Variants in APBA1 observed in about 807,000 individuals in gnomAD.
APBA1 encodes amyloid-beta A4 precursor protein-binding family A member 1.
Under a neutral mutation model 86.6 loss-of-function variants are expected in APBA1, and 55 were observed. The ratio of observed to expected loss-of-function variants is 0.64; its 90% CI spans 0.51 to 0.80. The LOEUF is 0.80. Ranked by LOEUF, APBA1 falls within the 30% of genes least tolerant of loss-of-function variation. APBA1 has a pLI of 0.00. For missense variants in APBA1, 1,090 were observed against 1,183.0 expected (o/e 0.92, Z 1.15); for synonymous variants, 511 against 493.9 (o/e 1.03, Z -0.46).
At position 69,432,694 on chromosome 9, in the gene APBA1, A is replaced by G. The variant is rs2133780124; in HGVS notation, c.2302-18T>C. On this transcript the variant is annotated intron_variant, in intron 11 of 12. Coordinates refer to ENST00000265381, the MANE Select transcript of APBA1 (RefSeq NM_001163.4). ...CTGCAGATCTGCCAGAGTCAAAGGC[A>G]GAGTTACCCTCATTGCAGACAGTGC... is the stretch of plus-strand genomic sequence containing the variant. The G allele has an allele frequency of 6.5e-7, 1 of 1,541,520 alleles. No homozygotes were observed. Among genetic ancestry groups the G allele is most frequent in the South Asian group, 1.3e-5 (1 of 78,740 alleles).
At chr9:69,668,076 A>C (rs1823876639) in intron 1 of APBA1, among the ~76,000 whole-genome samples, 1 of 151,980 alleles carries the variant, frequency 6.6e-6, no homozygotes, top group African/African-American at 2.4e-5. Flanking sequence ...TTTCCCCTCC[A>C]ACATACAGAC....
At chr9:69,528,923 C>CT (rs894559372) in intron 1 of APBA1, among the ~76,000 whole-genome samples, 14 of 150,932 alleles carry the variant, frequency 9.3e-5, no homozygotes, top group Non-Finnish European at 1.3e-4. Flanking sequence ...AAAATGTAGT[C>CT]TTTTTTTTTG....
chr9:69,523,499 A>ATATATATG (rs1836292324), intron 1 of APBA1, among the ~76,000 whole-genome samples: 1 of 31,138 alleles, frequency 3.2e-5, no homozygotes, highest in African/African-American at 7.6e-5. Context: ...ATATATATGT[A>ATATATATG]TATATATATA....
At chr9:69,611,242 C>T (rs935422314) in intron 1 of APBA1, among the ~76,000 whole-genome samples, 6 of 136,484 alleles carry the variant, frequency 4.4e-5, no homozygotes, top group African/African-American at 8.0e-5. Context: ...TATCTCTGTC[C>T]GGGATAAAAA....
chr9:69,573,773 C>A (rs1176130326), intron 1 of APBA1, among the ~76,000 whole-genome samples: 3 of 152,206 alleles, frequency 2.0e-5, no homozygotes, highest in Admixed American at 1.3e-4. Context: ...CTTGGAGGGG[C>A]CTCTGCTGGG....
intron 2 of APBA1, among the ~76,000 whole-genome samples, chr9:69,495,465 G>C (rs1035960466): frequency 6.6e-6 from 1 of 151,976 alleles, no homozygotes; most frequent in Non-Finnish European, 1.5e-5. Context: ...CTCAGTACTC[G>C]TGTGAGTTGT....
At chr9:69,574,333 C>A (rs1376188967) in intron 1 of APBA1, among the ~76,000 whole-genome samples, 1 of 152,224 alleles carries the variant, frequency 6.6e-6, no homozygotes, top group Non-Finnish European at 1.5e-5. Flanking sequence ...TTTGTCCTAT[C>A]TCTAATGCAG....
intron 1 of APBA1, among the ~76,000 whole-genome samples, chr9:69,649,134 A>T (rs772186701): frequency 7.9e-5 from 12 of 151,994 alleles, no homozygotes; most frequent in South Asian, 2.1e-4. Flanking sequence ...AACATTCCAA[A>T]CCATCACCTC....
chr9:69,579,156 C>T (rs1208771667), intron 1 of APBA1, among the ~76,000 whole-genome samples: 3 of 151,958 alleles, frequency 2.0e-5, no homozygotes, highest in African/African-American at 4.8e-5. Context: ...GAAGGGTCTC[C>T]CCAACCTTTA....
intron 2 of APBA1, among the ~76,000 whole-genome samples, chr9:69,495,559 T>A (rs894326400): frequency 2.0e-5 from 3 of 152,042 alleles, no homozygotes; most frequent in African/African-American, 7.2e-5. Flanking sequence ...GACCCTCACA[T>A]TAACCCCTCG....
At chr9:69,579,949 A>AT (rs1243984201) in intron 1 of APBA1, among the ~76,000 whole-genome samples, 2 of 152,166 alleles carry the variant, frequency 1.3e-5, no homozygotes, top group Non-Finnish European at 2.9e-5. Flanking sequence ...TGACCCAGAG[A>AT]TGCGGTTATC....
In APBA1 at chr9:69,467,099, C is replaced by A. The variant is rs1288456157; in HGVS notation, c.1482+724G>T. Among the ~76,000 whole-genome samples, 3 of 152,282 alleles carry A rather than the reference C, an allele frequency of 2.0e-5. No individual in the cohort carries two copies. The South Asian group carries it at 6.2e-4, about 32-fold the overall frequency. On this transcript the variant is annotated intron_variant, in intron 5 of 12. Coordinates refer to ENST00000265381, the MANE Select transcript of APBA1 (RefSeq NM_001163.4). The stretch of plus-strand genomic sequence containing the variant: ...CTGGAGTCCTGGTTTGCCCATGATT[C>A]TAGGTAGTTTTGGTATCGTGGTGGA...
intron 1 of APBA1, among the ~76,000 whole-genome samples, chr9:69,526,424 A>G (rs942433973): frequency 6.6e-6 from 1 of 152,140 alleles, no homozygotes; most frequent in African/African-American, 2.4e-5. Context: ...ATGAACAAAC[A>G]CTTCTCAAAA....
chr9:69,517,438 T>C (rs1433758728), intron 1 of APBA1, among the ~76,000 whole-genome samples, 159 bp from the exon 2 acceptor site: 1 of 152,246 alleles, frequency 6.6e-6, no homozygotes, highest in Non-Finnish European at 1.5e-5. Flanking sequence ...AGCACATACA[T>C]AGCACGCATC....
intron 2 of APBA1, among the ~76,000 whole-genome samples, chr9:69,492,972 T>C (rs763081196): frequency 3.7e-4 from 57 of 152,098 alleles, no homozygotes; most frequent in Non-Finnish European, 1.2e-4. Flanking sequence ...TAATTTCACG[T>C]ATGTAGAACG....
At chr9:69,497,062 G>C (rs1835810282) in intron 2 of APBA1, among the ~76,000 whole-genome samples, 2 of 152,078 alleles carry the variant, frequency 1.3e-5, no homozygotes, top group Admixed American at 6.5e-5. Flanking sequence ...TCTACCCAGT[G>C]TCTTATTGGT....
chr9:69,431,804 A>G (rs1301660334), intron 12 of APBA1, among the ~76,000 whole-genome samples: 1 of 152,268 alleles, frequency 6.6e-6, no homozygotes, highest in Non-Finnish European at 1.5e-5. Context: ...GTGATGATTG[A>G]TAGCAGTGAT....
intron 1 of APBA1, among the ~76,000 whole-genome samples, chr9:69,657,485 C>A (rs911770526): frequency 2.0e-5 from 3 of 152,178 alleles, no homozygotes; most frequent in African/African-American, 7.2e-5. Flanking sequence ...GTGTTAATAT[C>A]CAAAAACATT....
At chr9:69,474,862 A>C (rs1242471153) in intron 3 of APBA1, among the ~76,000 whole-genome samples, 1 of 152,250 alleles carries the variant, frequency 6.6e-6, no homozygotes, top group East Asian at 1.9e-4. Flanking sequence ...GACTCCCTTT[A>C]AAAGCGATCT....
Sources: gnomAD v4.1 joint callset for allele counts (sites outside exome capture counted in the v4.1 genomes callset) on GRCh38, gnomAD v4.1.1 for gene constraint, MANE v1.5 for transcripts, NCBI Gene and HGNC (gene_info 2026-07-23, HGNC 2026-07-21) for gene names.